The following GNB5 variants were observed in gnomAD, a reference collection of about 807,000 sequenced individuals.
GNB5 encodes G protein subunit beta 5, also known as guanine nucleotide-binding protein subunit beta-5.
A neutral mutation model predicts 55.3 loss-of-function variants in GNB5; 37 were observed. The ratio of observed to expected loss-of-function variants is 0.67; its 90% CI spans 0.51 to 0.88. The LOEUF is 0.88. Among genes scored for constraint, GNB5 ranks in the 40% least tolerant of loss-of-function variants. The pLI, the probability that GNB5 is intolerant of heterozygous loss-of-function variation, is 0.00. For synonymous variants in GNB5, 219 were observed against 198.5 expected, an observed-to-expected ratio of 1.10 and a Z score of -0.87; for missense variants, 476 against 515.3, an observed-to-expected ratio of 0.92 and a Z score of 0.74.
At chr15:52,139,740 G>A (rs2033808035) in intron 7 of GNB5, 9 of 1,132,848 alleles carry the variant, frequency 7.9e-6, no homozygotes, top group South Asian at 3.2e-5. Flanking sequence ...CCGCGTCCCC[G>A]CCGAGGTAGC....
At chr15:52,179,528 G>A (rs2034722165) in intron 3 of GNB5, among the ~76,000 whole-genome samples, 1 of 151,856 alleles carries the variant, frequency 6.6e-6, no homozygotes, top group Non-Finnish European at 1.5e-5. Flanking sequence ...TCCGCTAGCT[G>A]GCGGCGGGGG....
intron 7 of GNB5, 109 bp downstream of exon 7, chr15:52,141,031 C>T (rs2033840121): frequency 1.2e-6 from 1 of 846,082 alleles, no homozygotes; most frequent in Admixed American, 2.2e-5. Context: ...GAGCAAACTA[C>T]TGGAGCACAG....
At chr15:52,136,113 A>AACACACAC (rs751263225) in intron 7 of GNB5, among the ~76,000 whole-genome samples, 1,634 of 50,632 alleles carry the variant, frequency 0.032, 92 homozygotes, top group East Asian at 0.045. Flanking sequence ...AAAAGCAGAA[A>AACACACAC]ACACACACAC....
intron 12 of GNB5, 118 bp downstream of exon 12, chr15:52,124,355 G>C (rs780629732): frequency 1.3e-5 from 10 of 743,760 alleles, no homozygotes; most frequent in African/African-American, 3.5e-5. Context: ...ATGAGAGCTC[G>C]GCGAGGCTGA....
chr15:52,135,766 GA>G lies in GNB5; in HGVS notation c.628-11del. 6.2e-7 allele frequency: 1 copy of G among 1,611,592 alleles called. No homozygotes were observed. The highest frequency in any genetic ancestry group is 1.1e-5 in the South Asian group (1 of 90,952). Reference sequence around the variant, plus strand: ...CGCTCGCTGTCAGGATCTGCCCGCAGAAAAGGACAGGAAGTGGGTGGTTGTG... The same window carrying G: ...CGCTCGCTGTCAGGATCTGCCCGCAGAAAGGACAGGAAGTGGGTGGTTGTG... On this transcript the variant is annotated splice_polypyrimidine_tract_variant and intron_variant, in intron 7 of 12. Coordinates refer to ENST00000261837, the MANE Select transcript of GNB5 (RefSeq NM_016194.4).
In GNB5 at chr15:52,124,594, C is replaced by T. The variant is rs1159529676; in HGVS notation, c.1055G>A (p.Trp352Ter). ...AGYNDYTINVWDVLKGSRVSI... is the reference protein window; with the variant it reads ...AGYNDYTINV ...GACCCGGGACCCTTTGAGAACATCC[C>T]AGACGTTGATAGTGTAATCATTGTA... Residue 352 changes from tryptophan to a stop codon, truncating the protein, a stop_gained, in exon 12 of 13, where the codon TGG becomes TAG. Coordinates refer to ENST00000261837, the MANE Select transcript of GNB5 (RefSeq NM_016194.4). LOFTEE classifies it high-confidence loss of function. 5.0e-6 allele frequency: 8 copies of T among 1,614,076 alleles called. No homozygotes were observed. The highest frequency in any genetic ancestry group is 8.5e-7 in the Non-Finnish European group (1 of 1,179,892).
At chr15:52,189,230 A>G (rs978155022) in intron 1 of GNB5, among the ~76,000 whole-genome samples, 2 of 152,208 alleles carry the variant, frequency 1.3e-5, no homozygotes, top group Non-Finnish European at 2.9e-5. Context: ...CAGTTATTCA[A>G]AACTTAAATA....
intron 3 of GNB5, among the ~76,000 whole-genome samples, chr15:52,172,842 T>C (rs560958155): frequency 6.6e-6 from 1 of 152,264 alleles, no homozygotes; most frequent in Admixed American, 6.5e-5. Flanking sequence ...CGATAACAAG[T>C]TCCTTGCGTA....
At chr15:52,191,041 C>T (rs142487570) in intron 1 of GNB5, among the ~76,000 whole-genome samples, 11 of 152,258 alleles carry the variant, frequency 7.2e-5, no homozygotes, top group African/African-American at 2.6e-4. Flanking sequence ...TTAAAACTGA[C>T]TTAGTGATTT....
intron 1 of GNB5, among the ~76,000 whole-genome samples, chr15:52,191,006 T>C (rs1373239291): frequency 6.6e-6 from 1 of 152,194 alleles, no homozygotes; most frequent in Admixed American, 6.5e-5. Context: ...AGGCTTATGT[T>C]GCCATGTGTC....
intron 3 of GNB5, among the ~76,000 whole-genome samples, chr15:52,164,356 A>C (rs1310806106): frequency 8.4e-5 from 12 of 142,794 alleles, no homozygotes; most frequent in African/African-American, 2.6e-4. Flanking sequence ...TGGTGGCTCA[A>C]GCCTGTAATC....
At chr15:52,146,677 A>C (rs1596074566) in intron 6 of GNB5, among the ~76,000 whole-genome samples, 1 of 149,798 alleles carries the variant, frequency 6.7e-6, no homozygotes, top group Non-Finnish European at 1.5e-5. Flanking sequence ...CAGTCCTCCC[A>C]CCTCAGCTTC....
At chr15:52,170,250 A>G (rs1341113637) in intron 3 of GNB5, among the ~76,000 whole-genome samples, 1 of 152,240 alleles carries the variant, frequency 6.6e-6, no homozygotes, top group African/African-American at 2.4e-5. Context: ...AATCTATTAA[A>G]AGATACATGC....
intron 3 of GNB5, among the ~76,000 whole-genome samples, chr15:52,177,241 G>A (rs12902512): frequency 2.0e-5 from 3 of 151,484 alleles, no homozygotes; most frequent in Non-Finnish European, 4.4e-5. Context: ...CACCATGTTG[G>A]CCAGGATGGT....
intron 3 of GNB5, among the ~76,000 whole-genome samples, chr15:52,161,888 T>C (rs1381778396): frequency 6.6e-6 from 1 of 152,220 alleles, no homozygotes; most frequent in African/African-American, 2.4e-5. Flanking sequence ...ATTTTACCTG[T>C]AGAAGTCTCC....
chr15:52,149,392 A>G (rs2034043897), intron 5 of GNB5: 1 of 226,438 alleles, frequency 4.4e-6, no homozygotes, highest in South Asian at 1.6e-4. Context: ...ATCTAAGTTG[A>G]GCTGTGCATG....
intron 9 of GNB5, among the ~76,000 whole-genome samples, chr15:52,129,927 T>G (rs1363466073): frequency 6.6e-6 from 1 of 152,224 alleles, no homozygotes; most frequent in Non-Finnish European, 1.5e-5. Context: ...GTTTTGTTTT[T>G]CCTGGGCAGG....
rs1185265721 is a variant in GNB5, at chr15:52,133,436, G to A, written c.805C>T (p.Arg269Cys). The A allele has an allele frequency of 2.5e-6, 4 of 1,612,714 alleles. No individual in the cohort carries two copies. Among genetic ancestry groups the A allele is most frequent in the Non-Finnish European group, 3.4e-6 (4 of 1,178,670 alleles). Residue 269 changes from arginine (R) to cysteine (C), a missense_variant, in exon 9 of 13, where the codon CGC becomes TGC. Transcript: ENST00000261837. Reference sequence around the variant, plus strand: ...AAGGCCTGCACGCACTGGCCGGAGCGCATGTCCCACACCATGGCTTTCTTG... The same window carrying A: ...AAGGCCTGCACGCACTGGCCGGAGCACATGTCCCACACCATGGCTTTCTTG... The part of the protein sequence containing the change: ...CDKKAMVWDM[R>C]SGQCVQAFET...
chr15:52,128,123 A>T (rs1566932676), intron 10 of GNB5, 73 bp downstream of exon 10: 6 of 976,372 alleles, frequency 6.1e-6, no homozygotes, highest in Non-Finnish European at 8.2e-6. Context: ...CCAGAAAAAT[A>T]GTTATTTTCT....
Sources: gnomAD v4.1 joint callset for allele counts (sites outside exome capture counted in the v4.1 genomes callset) on GRCh38, gnomAD v4.1.1 for gene constraint, MANE v1.5 for transcripts, NCBI Gene and HGNC (gene_info 2026-07-23, HGNC 2026-07-21) for gene names.